RBFOX1: variants seen among roughly 807,000 people sequenced by gnomAD.
RBFOX1 encodes RNA binding fox-1 homolog 1, also known as RNA binding protein fox-1 homolog 1.
A neutral mutation model predicts 57.7 loss-of-function variants in RBFOX1; 8 were observed. The observed-to-expected ratio is 0.14, with a 90% CI of 0.08 to 0.25. The LOEUF (loss-of-function observed/expected upper bound fraction) is 0.25. RBFOX1 is among the 10% of genes least tolerant of loss of function. RBFOX1 has a pLI of 1.00. For synonymous variants in RBFOX1, 326 were observed against 222.4 expected, an observed-to-expected ratio of 1.47 and a Z score of -4.15; for missense variants, 611 against 548.5, an observed-to-expected ratio of 1.11 and a Z score of -1.14.
rs372622832 is a variant in RBFOX1 at position 5,833,788 on chromosome 16, C to G, written c.319-33515C>G. Among the ~76,000 whole-genome samples, 14 of 152,204 alleles carry G rather than the reference C, an allele frequency of 9.2e-5. No homozygotes were observed. In the East Asian group the frequency reaches 2.7e-3, roughly 29 times the overall value. Reference sequence around the variant, plus strand: ...TCCCTTGTCTTTCTACTTAGTTAGCCCTTTCTTTAGCCCAGGCCCTGTCCA... The same window carrying G: ...TCCCTTGTCTTTCTACTTAGTTAGCGCTTTCTTTAGCCCAGGCCCTGTCCA... On this transcript the variant is annotated intron_variant, in intron 3 of 19. Coordinates refer to the RBFOX1 transcript ENST00000641259.
chr16:7,090,198 T>C (rs1007528116), intron 4 of RBFOX1, among the ~76,000 whole-genome samples: 33 of 152,196 alleles, frequency 2.2e-4, no homozygotes, highest in Non-Finnish European at 7.3e-5. Context: ...CTCATGGATA[T>C]AAAAGTGAAA....
intron 2 of RBFOX1, among the ~76,000 whole-genome samples, chr16:5,499,903 C>T (rs1479109027): frequency 6.6e-6 from 1 of 152,172 alleles, no homozygotes; most frequent in African/African-American, 2.4e-5. Context: ...CCAAAATCCA[C>T]ACTCCTGATG....
intron 4 of RBFOX1, among the ~76,000 whole-genome samples, chr16:7,228,295 A>T (rs1377688204): frequency 2.6e-5 from 4 of 152,204 alleles, no homozygotes; most frequent in African/African-American, 9.6e-5. Context: ...TCCTCAAGGT[A>T]ATATAATGAT....
chr16:5,350,012 C>T (rs1220721831), intron 1 of RBFOX1, among the ~76,000 whole-genome samples: 1 of 152,232 alleles, frequency 6.6e-6, no homozygotes, highest in African/African-American at 2.4e-5. Context: ...ACTTCACAGT[C>T]ATTTCTGTGG....
At chr16:6,940,404 G>A (rs752361645) in intron 3 of RBFOX1, among the ~76,000 whole-genome samples, 2 of 152,112 alleles carry the variant, frequency 1.3e-5, no homozygotes, top group Non-Finnish European at 2.9e-5. Flanking sequence ...TAACAATTCA[G>A]GAGCAGCTAA....
chr16:6,628,355 A>G (rs574467749), intron 2 of RBFOX1, among the ~76,000 whole-genome samples: 10 of 152,308 alleles, frequency 6.6e-5, no homozygotes, highest in Admixed American at 3.3e-4. Context: ...CAACAGCAGG[A>G]TGTGATTTTA....
chr16:6,447,025 A>C (rs528841158), intron 2 of RBFOX1, among the ~76,000 whole-genome samples: 1 of 152,338 alleles, frequency 6.6e-6, no homozygotes, highest in South Asian at 2.1e-4. Context: ...CATTTTAATG[A>C]AATCAAGTCT....
At chr16:5,890,928 C>T (rs1231280134) in intron 4 of RBFOX1, among the ~76,000 whole-genome samples, 2 of 152,134 alleles carry the variant, frequency 1.3e-5, no homozygotes, top group Non-Finnish European at 2.9e-5. Context: ...GGATACATGG[C>T]TCCTTCAGTT....
At chr16:6,567,319 T>C (rs763472036) in intron 2 of RBFOX1, among the ~76,000 whole-genome samples, 48 of 152,150 alleles carry the variant, frequency 3.2e-4, no homozygotes, top group Admixed American at 5.9e-4. Flanking sequence ...CACAGAGAGA[T>C]GGGGAAACTG....
chr16:6,418,963 A>C (rs1322546691), intron 2 of RBFOX1, among the ~76,000 whole-genome samples: 2 of 152,166 alleles, frequency 1.3e-5, no homozygotes, highest in Non-Finnish European at 2.9e-5. Context: ...GATTTTGGAA[A>C]AAGCGTATGT....
chr16:7,710,357 C>T lies in RBFOX1; in HGVS notation c.1072-266C>T, dbSNP rs537007681. 9 of 1,291,834 alleles carry T rather than the reference C, an allele frequency of 7.0e-6. No homozygotes were observed. In the African/African-American group the frequency reaches 7.7e-5, roughly 11 times the overall value. The allele number at this position is 1,291,834 out of a possible 1,614,324, so 80.0% of individuals were successfully genotyped here. A position where few individuals can be genotyped will look rare whatever the true frequency, so the allele number is the denominator to read the frequency against. On this transcript the variant is annotated intron_variant, in intron 15 of 15. Coordinates refer to ENST00000550418, the MANE Select transcript of RBFOX1 (RefSeq NM_018723.4). ...AAAAATGAGACAGTGAAAATCCTTC[C>T]ATTGTCCAGCTTATAATAGAGTCCT...
chr16:7,630,273 T>G (rs922333879), intron 10 of RBFOX1, among the ~76,000 whole-genome samples: 2 of 151,974 alleles, frequency 1.3e-5, no homozygotes, highest in Non-Finnish European at 2.9e-5. Flanking sequence ...ACTATCTAGC[T>G]CCCTCCAATA....
At chr16:5,756,604 C>G (rs1375343746) in intron 3 of RBFOX1, among the ~76,000 whole-genome samples, 1 of 152,134 alleles carries the variant, frequency 6.6e-6, no homozygotes, top group African/African-American at 2.4e-5. Context: ...TTTATCGTGG[C>G]TTAACTAATC....
intron 3 of RBFOX1, among the ~76,000 whole-genome samples, chr16:5,621,076 G>A (rs530789076): frequency 6.6e-6 from 1 of 152,184 alleles, no homozygotes; most frequent in Admixed American, 6.5e-5. Context: ...TCCTGACCTC[G>A]TGATCCGCCT....
At chr16:7,226,156 A>G (rs1459014782) in intron 4 of RBFOX1, among the ~76,000 whole-genome samples, 1 of 152,124 alleles carries the variant, frequency 6.6e-6, no homozygotes, top group African/African-American at 2.4e-5. Flanking sequence ...CTTTACAATC[A>G]TGAAAGGTAA....
intron 5 of RBFOX1, among the ~76,000 whole-genome samples, chr16:7,564,889 C>G (rs1398804539): frequency 2.0e-5 from 3 of 152,186 alleles, no homozygotes; most frequent in Non-Finnish European, 4.4e-5. Flanking sequence ...AATTTCATCA[C>G]TGGAGCAGAG....
chr16:7,458,783 TC>T (rs2059015655), intron 4 of RBFOX1, among the ~76,000 whole-genome samples: 1 of 152,096 alleles, frequency 6.6e-6, no homozygotes, highest in African/African-American at 2.4e-5. Context: ...TCAGACCCCC[TC>T]TTCACTCCCA....
intron 4 of RBFOX1, among the ~76,000 whole-genome samples, chr16:7,203,431 C>T (rs2089161942): frequency 6.6e-6 from 1 of 152,100 alleles, no homozygotes. Context: ...TTCAGTATTA[C>T]AAGACAAAAA....
chr16:6,299,268 C>T (rs543463939), intron 1 of RBFOX1, among the ~76,000 whole-genome samples: 140 of 152,328 alleles, frequency 9.2e-4, no homozygotes, highest in African/African-American at 3.1e-3. Flanking sequence ...TCCGTCTCTT[C>T]CTCAGAGGAT....
Sources: allele counts gnomAD v4.1 joint callset (sites outside exome capture counted in the v4.1 genomes callset), GRCh38; gene constraint gnomAD v4.1.1; transcripts MANE v1.5; gene names NCBI Gene and HGNC (gene_info 2026-07-23, HGNC 2026-07-21).